The following NOS2 variants were observed in gnomAD, a reference collection of about 807,000 sequenced individuals.
NOS2 encodes the protein nitric oxide synthase, inducible.
Under a neutral mutation model 136.0 loss-of-function variants are expected in NOS2, and 96 were observed. The observed-to-expected ratio is 0.71, with a 90% CI of 0.60 to 0.84. The LOEUF is 0.84. Among genes scored for constraint, NOS2 ranks in the 40% least tolerant of loss-of-function variants. NOS2 has a pLI of 0.00. For missense variants in NOS2, 1,237 were observed against 1,496.9 expected (o/e 0.83, Z 2.87); for synonymous variants, 539 against 587.5 (o/e 0.92, Z 1.20).
intron 5 of NOS2, 90 bp from the exon 6 acceptor site, chr17:27,783,196 G>T: frequency 7.1e-7 from 1 of 1,418,146 alleles, no homozygotes; most frequent in African/African-American, 1.4e-5. Context: ...ACTGAAATAG[G>T]ACATCAGAAG....
At chr17:27,776,125 G>A (rs545206135) in intron 11 of NOS2, among the ~76,000 whole-genome samples, 2 of 152,326 alleles carry the variant, frequency 1.3e-5, no homozygotes, top group East Asian at 1.9e-4. Flanking sequence ...CAGCTCCTGA[G>A]AGGAAGGGAG....
intron 5 of NOS2, among the ~76,000 whole-genome samples, chr17:27,785,496 C>T (rs988916441): frequency 6.6e-6 from 1 of 152,134 alleles, no homozygotes; most frequent in Non-Finnish European, 1.5e-5. Context: ...ATCCCCATCT[C>T]CCCAGATTCT....
chr17:27,757,191 AGCTGGC>A lies in NOS2; in HGVS notation c.*49_*54del. 2.1e-6 allele frequency: 3 copies of A among 1,409,062 alleles called. No individual in the cohort carries two copies. Among genetic ancestry groups the A allele is most frequent in the African/African-American group, 1.4e-5 (1 of 70,634 alleles). 87.3% of individuals were successfully genotyped at this position (1,409,062 alleles called of 1,614,324 possible). A position where few individuals can be genotyped will look rare whatever the true frequency, so the allele number is the denominator to read the frequency against. On this transcript the variant is annotated 3_prime_UTR_variant, in exon 27 of 27. Coordinates refer to ENST00000313735, the MANE Select transcript of NOS2 (RefSeq NM_000625.4). ...GGCCCTGTGACCTCAGATAATGCAG[AGCTGGC>A]TCCATCCTTAAGTTCTGTGCCGGCA... is the stretch of plus-strand genomic sequence containing the variant.
At chr17:27,765,305 T>A (rs1425703744) in intron 20 of NOS2, among the ~76,000 whole-genome samples, 4 of 152,246 alleles carry the variant, frequency 2.6e-5, no homozygotes, top group Non-Finnish European at 4.4e-5. Context: ...CTTTCTGACT[T>A]TGGCCACTGC....
intron 18 of NOS2, among the ~76,000 whole-genome samples, chr17:27,766,956 G>A (rs746019176): frequency 8.6e-5 from 12 of 139,626 alleles, no homozygotes; most frequent in Admixed American, 3.9e-4. Context: ...AGCGGGAATC[G>A]CGCCACTGCA....
chr17:27,794,792 C>T (rs1037502618), intron 2 of NOS2, among the ~76,000 whole-genome samples: 1 of 152,064 alleles, frequency 6.6e-6, no homozygotes, highest in African/African-American at 2.4e-5. Context: ...AATCACCAGT[C>T]ACTTAGAATA....
At position 27,787,540 on chromosome 17, in the gene NOS2, G is replaced by A. The variant is rs1236220077; in HGVS notation, c.467+138C>T. The A allele has an allele frequency of 4.7e-5, 33 of 698,296 alleles. 1 individual carries two copies. The highest frequency in any genetic ancestry group is 1.1e-4 in the Admixed American group (4 of 36,198). The allele number at this position is 698,296 out of a possible 1,614,324, so 43.3% of individuals were successfully genotyped here. ...TCTCCCCTAGAAAACCGTGATTTTC[G>A]CTCTGCAAAATCATAGTGATTTAAC... On this transcript the variant is annotated intron_variant, in intron 5 of 26. Transcript: ENST00000313735.
chr17:27,760,226 C>A (rs1191117846), intron 24 of NOS2, 48 bp from the exon 25 acceptor site: 1 of 1,495,998 alleles, frequency 6.7e-7, no homozygotes. Flanking sequence ...CCAGAGGGCG[C>A]CAGGGCTCCA....
intron 11 of NOS2, among the ~76,000 whole-genome samples, chr17:27,776,537 G>A (rs1908662971): frequency 6.6e-6 from 1 of 152,034 alleles, no homozygotes; most frequent in South Asian, 2.1e-4. Flanking sequence ...GCCGGGTATG[G>A]TGGTGCAATC....
At chr17:27,776,541 T>A (rs1051147472) in intron 11 of NOS2, among the ~76,000 whole-genome samples, 5 of 151,960 alleles carry the variant, frequency 3.3e-5, no homozygotes, top group Admixed American at 2.0e-4. Flanking sequence ...GGTATGGTGG[T>A]GCAATCCTGT....
At chr17:27,789,082 G>A (rs1909112262) in intron 3 of NOS2, 151 bp from the exon 4 acceptor site, 3 of 1,065,880 alleles carry the variant, frequency 2.8e-6, no homozygotes, top group African/African-American at 3.2e-5. Context: ...GGGCGACCTG[G>A]GCCAGTGCCT....
At chr17:27,774,546 G>A in intron 11 of NOS2, 95 bp from the exon 12 acceptor site, 1 of 922,430 alleles carries the variant, frequency 1.1e-6, no homozygotes, top group East Asian at 2.9e-5. Flanking sequence ...TGCCTGGGAA[G>A]GCCTGGCAAT....
intron 2 of NOS2, among the ~76,000 whole-genome samples, chr17:27,793,310 A>G (rs897244583): frequency 6.6e-6 from 1 of 152,160 alleles, no homozygotes; most frequent in Non-Finnish European, 1.5e-5. Flanking sequence ...CCCAGTGCTG[A>G]AAAATTTCAA....
chr17:27,779,288 C>CTTA (rs140152355), intron 9 of NOS2, among the ~76,000 whole-genome samples: 1,486 of 139,444 alleles, frequency 0.011, 13 homozygotes, highest in African/African-American at 0.019. Flanking sequence ...AATTTTTTTC[C>CTTA]TTATTATTAT....
chr17:27,778,884 C>T lies in NOS2; in HGVS notation c.1177G>A (p.Glu393Lys), dbSNP rs1908748026. The change falls in exon 10 of 27, where the codon GAG (glutamate) becomes AAG (lysine). Residue 393 changes from glutamate (E) to lysine (K), a missense_variant and splice_region_variant. Transcript: ENST00000313735. Reference sequence around the variant, plus strand: ...GCCAGCTGGGCTGGCTGGGTTACCTCCAGGATGTTGTAGCGCTGGACGTCA... The same window carrying T: ...GCCAGCTGGGCTGGCTGGGTTACCTTCAGGATGTTGTAGCGCTGGACGTCA... ...FCDVQRYNIL[E>K]EVGRRMGLET... 6.2e-7 allele frequency: 1 copy of T among 1,609,572 alleles called. No homozygotes were observed. The highest frequency in any genetic ancestry group is 1.3e-5 in the African/African-American group (1 of 74,832).
intron 13 of NOS2, 142 bp downstream of exon 13, chr17:27,773,019 A>G: frequency 1.3e-6 from 1 of 760,748 alleles, no homozygotes; most frequent in Non-Finnish European, 2.3e-6. Context: ...TGGGTGACAG[A>G]GTAAGACCCT....
At chr17:27,781,879 A>C (rs1390284810) in intron 7 of NOS2, 136 bp downstream of exon 7, 1 of 746,840 alleles carries the variant, frequency 1.3e-6, no homozygotes, top group African/African-American at 1.8e-5. Context: ...AAGAAGCCTG[A>C]GTCTTTCTCT....
intron 2 of NOS2, among the ~76,000 whole-genome samples, chr17:27,797,345 C>T (rs1346839229): frequency 2.0e-5 from 3 of 152,256 alleles, no homozygotes; most frequent in African/African-American, 7.2e-5. Flanking sequence ...AGGCCAGGCC[C>T]TGTGCTAAGT....
At chr17:27,782,238 GAGTGC>G in intron 6 of NOS2, 132 bp from the exon 7 acceptor site, 1 of 749,892 alleles carries the variant, frequency 1.3e-6, no homozygotes, top group African/African-American at 1.7e-5. Flanking sequence ...CCATGCCGAA[GAGTGC>G]AGCCTCCAAT....
Sources: gnomAD v4.1 joint callset for allele counts (sites outside exome capture counted in the v4.1 genomes callset) on GRCh38, gnomAD v4.1.1 for gene constraint, MANE v1.5 for transcripts, NCBI Gene and HGNC (gene_info 2026-07-23, HGNC 2026-07-21) for gene names.